AURKAIP1: variants seen among roughly 807,000 people sequenced by gnomAD.
AURKAIP1 encodes small ribosomal subunit protein bS22, mitochondrial.
In AURKAIP1, 20 loss-of-function variants were observed where a neutral mutation model predicts 18.4. That is an observed-to-expected ratio of 1.09 (90% CI 0.77 to 1.58). The LOEUF is 1.58. Ranked by LOEUF, AURKAIP1 falls within the 40% of genes most tolerant of loss-of-function variation. The probability of loss-of-function intolerance (pLI) is 0.00; values close to 1 mark genes in which losing one functional copy is unlikely to be tolerated. For missense variants in AURKAIP1, 319 were observed against 270.7 expected, an observed-to-expected ratio of 1.18 and a Z score of -1.25; for synonymous variants, 156 against 120.8, an observed-to-expected ratio of 1.29 and a Z score of -1.91.
rs765790127 is a variant in AURKAIP1 at position 1,374,344 on chromosome 1, G to A, written c.154C>T (p.Pro52Ser). 9.6e-6 allele frequency: 15 copies of A among 1,554,886 alleles called. No individual in the cohort carries two copies. Among genetic ancestry groups the A allele is most frequent in the East Asian group, 6.8e-5 (3 of 44,238 alleles). Residue 52 changes from proline to serine, a missense_variant, in exon 3 of 4, where the codon CCT becomes TCT. Physicochemically the swap from Pro to Ser is moderately conservative, Grantham distance 74 (BLOSUM62 -1). Transcript: ENST00000338338. ...AGCTCCAGCTGGGCCCCCTTGCGAGGGAGAGAGGCCGCCCTACCTGGGCCG... is the reference window on the plus strand; with the variant it reads ...AGCTCCAGCTGGGCCCCCTTGCGAGAGAGAGAGGCCGCCCTACCTGGGCCG... The part of the protein sequence containing the change: ...PAGPGRAASL[P>S]RKGAQLELEE...
Position 1,374,026 on chromosome 1 carries a change from G to A in AURKAIP1, c.472C>T (p.Gln158Ter), listed in dbSNP as rs757785267. ...KKTRFLRRKV[Q>*]EGRLRRKQIK... Reference sequence around the variant, plus strand: ...TGCTTGCGTCTCAGGCGTCCCTCCTGGACCTTCCTCCGCAGGAACCGCGTC... The same window carrying A: ...TGCTTGCGTCTCAGGCGTCCCTCCTAGACCTTCCTCCGCAGGAACCGCGTC... The change falls in exon 3 of 4, where the codon CAG becomes TAG. Residue 158 changes from glutamine to a stop codon, truncating the protein, a stop_gained. Transcript: ENST00000338338. LOFTEE classifies it high-confidence loss of function. 3 of 1,607,712 alleles carry A rather than the reference G, an allele frequency of 1.9e-6. No homozygotes were observed. The highest frequency in any genetic ancestry group is 2.2e-5 in the East Asian group (1 of 44,796).
chr1:1,373,758 C>G lies in AURKAIP1; in HGVS notation c.*43G>C. On this transcript the variant is annotated 3_prime_UTR_variant, in exon 4 of 4. Transcript: ENST00000338338. ...GGCTGAGTCCTCTGAGAATTTATTA[C>G]TACGGATCACAGCAGCAACGGGCGG... 1 of 1,544,606 alleles carries G rather than the reference C, an allele frequency of 6.5e-7. No individual in the cohort carries two copies. Among genetic ancestry groups the G allele is most frequent in the East Asian group, 2.2e-5 (1 of 44,452 alleles).
intron 3 of AURKAIP1, 27 bp from the exon 4 acceptor site, chr1:1,373,929 C>A (rs754630615): frequency 4.4e-6 from 7 of 1,609,050 alleles, no homozygotes; most frequent in Non-Finnish European, 5.1e-6. Context: ...GAGGGACCGC[C>A]AAGTAATTCG....
At chr1:1,374,525 A>G in intron 2 of AURKAIP1, 80 bp from the exon 3 acceptor site, 1 of 1,378,604 alleles carries the variant, frequency 7.3e-7, no homozygotes, top group Admixed American at 2.6e-5. Flanking sequence ...GGTTCGTCCC[A>G]GCGAGGATCC....
intron 1 of AURKAIP1, 167 bp from the exon 2 acceptor site, chr1:1,374,957 C>T (rs1644334192): frequency 1.7e-5 from 9 of 534,328 alleles, no homozygotes; most frequent in Non-Finnish European, 2.6e-5. Context: ...CCCCGAGGCT[C>T]CCAAGCCCCC....
At chr1:1,374,893 C>T (rs1310341138) in intron 1 of AURKAIP1, 103 bp from the exon 2 acceptor site, 1 of 736,766 alleles carries the variant, frequency 1.4e-6, no homozygotes, top group Admixed American at 3.2e-5. Context: ...CGCTTCCCTT[C>T]TCCCTCCGCC....
chr1:1,374,510 C>T (rs553614602), intron 2 of AURKAIP1, 65 bp from the exon 3 acceptor site: 9 of 1,406,298 alleles, frequency 6.4e-6, no homozygotes, highest in South Asian at 1.5e-5. Context: ...GGTTGAGGAG[C>T]AGCAGGTTCG....
At chr1:1,374,851 G>A (rs1002291060) in intron 1 of AURKAIP1, 61 bp from the exon 2 acceptor site, 379 of 1,196,606 alleles carry the variant, frequency 3.2e-4, no homozygotes, top group Non-Finnish European at 4.3e-4. Flanking sequence ...CGGGCGGGCC[G>A]GGACTGGGGC....
rs778930104 is a variant in AURKAIP1 at position 1,374,399 on chromosome 1, G to A, written c.99C>T (p.Val33=). The A allele has an allele frequency of 2.0e-6, 3 of 1,472,838 alleles. No individual in the cohort carries two copies. Among genetic ancestry groups the A allele is most frequent in the South Asian group, 2.8e-5 (2 of 72,580 alleles). 91.2% of individuals were successfully genotyped at this position (1,472,838 alleles called of 1,614,324 possible). A position where few individuals can be genotyped will look rare whatever the true frequency, so the allele number is the denominator to read the frequency against. ...GCGATGTGCTGTAAAGGGGCCCGCA[G>A]ACCCGGCTGCCCAGCACTCCAGAGA... The part of the protein sequence containing the change: ...WPVSGVLGSR[V]CGPLYSTSPA... Residue 33 remains valine (V), a synonymous_variant, in exon 3 of 4, where the codon GTC becomes GTT. Transcript: ENST00000338338.
chr1:1,374,550 C>T, intron 2 of AURKAIP1, 105 bp from the exon 3 acceptor site: 2 of 1,362,860 alleles, frequency 1.5e-6, no homozygotes, highest in East Asian at 5.1e-5. Context: ...CACCTCATTC[C>T]TGGCCTGAAC....
At chr1:1,373,950 A>T (rs747672364) in intron 3 of AURKAIP1, 48 bp from the exon 4 acceptor site, 1 of 1,608,874 alleles carries the variant, frequency 6.2e-7, no homozygotes, top group Non-Finnish European at 8.5e-7. Flanking sequence ...TGGCAAAGAA[A>T]CGTGTTCTCA....
Position 1,374,374 on chromosome 1 carries a change from G to A in AURKAIP1, c.124C>T (p.Pro42Ser). The A allele has an allele frequency of 6.6e-7, 1 of 1,511,750 alleles. No individual in the cohort carries two copies. Among genetic ancestry groups the A allele is most frequent in the Non-Finnish European group, 8.8e-7 (1 of 1,135,390 alleles). The allele number at this position is 1,511,750 out of a possible 1,614,324, so 93.6% of individuals were successfully genotyped here. Residue 42 changes from proline to serine, a missense_variant, in exon 3 of 4, where the codon CCG becomes TCG. Coordinates refer to ENST00000338338, the MANE Select transcript of AURKAIP1 (RefSeq NM_017900.3). ...GAGGCCGCCCTACCTGGGCCGGCCG[G>A]CGATGTGCTGTAAAGGGGCCCGCAG... ...RVCGPLYSTS[P>S]AGPGRAASLP...
intron 1 of AURKAIP1, 175 bp from the exon 2 acceptor site, chr1:1,374,965 C>T (rs2100217336): frequency 1.9e-6 from 1 of 523,168 alleles, no homozygotes; most frequent in Admixed American, 3.9e-5. Context: ...CTCCCAAGCC[C>T]CCGACGCGGG....
Position 1,374,080 on chromosome 1 carries a change from G to A in AURKAIP1, c.418C>T (p.His140Tyr). 2 of 1,610,664 alleles carry A rather than the reference G, an allele frequency of 1.2e-6. No individual in the cohort carries two copies. The highest frequency in any genetic ancestry group is 1.7e-6 in the Non-Finnish European group (2 of 1,178,010). The change falls in exon 3 of 4, where the codon CAC becomes TAC. Residue 140 changes from histidine (H) to tyrosine (Y), a missense_variant. Physicochemically the swap from His to Tyr is moderately conservative, Grantham distance 83. Transcript: ENST00000338338. ...TTCACCAGCTTCCGGTACTTGTGGT[G>A]GTTCATCTTCCGCCGGCGGATCTTC... ...VLKIRRRKMN[H>Y]HKYRKLVKKT...
chr1:1,374,102 C>T lies in AURKAIP1; in HGVS notation c.396G>A (p.Lys132=). 1.2e-6 allele frequency: 2 copies of T among 1,612,670 alleles called. No homozygotes were observed. The highest frequency in any genetic ancestry group is 1.7e-6 in the Non-Finnish European group (2 of 1,179,290). The change falls in exon 3 of 4, where the codon AAG becomes AAA. Residue 132 remains lysine, a synonymous_variant. Transcript: ENST00000338338. Reference sequence around the variant, plus strand: ...GGTGGTTCATCTTCCGCCGGCGGATCTTCAGCACGTTTTTGCACTGAATTT... The same window carrying T: ...GGTGGTTCATCTTCCGCCGGCGGATTTTCAGCACGTTTTTGCACTGAATTT... The part of the protein sequence containing the change: ...APQIQCKNVL[K]IRRRKMNHHK...
chr1:1,375,099 C>T (rs1356795627), intron 1 of AURKAIP1, 55 bp downstream of exon 1: 2 of 243,088 alleles, frequency 8.2e-6, no homozygotes, highest in Non-Finnish European at 1.6e-5. Context: ...CCCGGGCCCG[C>T]CTGCCGCAGC....
rs1003793207 is a variant in AURKAIP1, at chr1:1,375,082, G to A, written c.-35+72C>T. 1.1e-5 allele frequency: 3 copies of A among 276,564 alleles called. No homozygotes were observed. The East Asian group carries it at 2.8e-4, about 26-fold the overall frequency. 17.1% of individuals were successfully genotyped at this position (276,564 alleles called of 1,614,324 possible). A position where few individuals can be genotyped will look rare whatever the true frequency, so the allele number is the denominator to read the frequency against. ...GTTGCCTGGCGCCCGGACCCTCTCG[G>A]CTGGACCCCGGGCCCGCCTGCCGCA... On this transcript the variant is annotated intron_variant, in intron 1 of 3. Coordinates refer to ENST00000338338, the MANE Select transcript of AURKAIP1 (RefSeq NM_017900.3).
chr1:1,375,019 G>A (rs1468049373), intron 1 of AURKAIP1, 135 bp downstream of exon 1: 2 of 419,648 alleles, frequency 4.8e-6, no homozygotes, highest in Non-Finnish European at 8.6e-6. Flanking sequence ...GAACGGGGAG[G>A]CCGGCCCCCT....
At position 1,374,242 on chromosome 1, in the gene AURKAIP1, T is replaced by A; in HGVS notation, c.256A>T (p.Arg86Ter). Residue 86 changes from arginine (R) to a stop codon, truncating the protein, a stop_gained, in exon 3 of 4, where the codon AGA (arginine) becomes TGA (stop). Coordinates refer to ENST00000338338, the MANE Select transcript of AURKAIP1 (RefSeq NM_017900.3). LOFTEE classifies it high-confidence loss of function. Reference protein sequence around the residue: ...SWLTARCFLPRLDTGTAGTVA... With the variant: ...SWLTARCFLP ...GTCCCTGCGGTCCCGGTATCCAGTC[T>A]GGGCAGGAAGCAGCGGGCCGTGAGC... is the stretch of plus-strand genomic sequence containing the variant. 1 of 1,611,362 alleles carries A rather than the reference T, an allele frequency of 6.2e-7. No individual in the cohort carries two copies. Among genetic ancestry groups the A allele is most frequent in the Admixed American group, 1.7e-5 (1 of 59,950 alleles).
Sources: allele counts gnomAD v4.1 joint callset, GRCh38; gene constraint gnomAD v4.1.1; transcripts MANE v1.5; gene names NCBI Gene and HGNC (gene_info 2026-07-23, HGNC 2026-07-21).